RALYL: variants seen among roughly 807,000 people sequenced by gnomAD.
RALYL encodes RALY RNA binding protein like.
In RALYL, 29 loss-of-function variants were observed where a neutral mutation model predicts 35.1. That is an observed-to-expected ratio of 0.83 (90% confidence interval 0.61 to 1.13). The LOEUF (loss-of-function observed/expected upper bound fraction) is 1.13. Among genes scored for constraint, RALYL ranks in the 50% most tolerant of loss-of-function variants. The pLI, the probability that RALYL is intolerant of heterozygous loss-of-function variation, is 0.00. For synonymous variants in RALYL, 120 were observed against 127.6 expected, an observed-to-expected ratio of 0.94 and a Z score of 0.40; for missense variants, 359 against 360.4, an observed-to-expected ratio of 1.00 and a Z score of 0.03.
At chr8:84,571,004 G>T (rs189730773) in intron 2 of RALYL, among the ~76,000 whole-genome samples, 1 of 151,842 alleles carries the variant, frequency 6.6e-6, no homozygotes. Flanking sequence ...GAGGAGTTTT[G>T]CATCTAGGTT....
At position 84,466,680 on chromosome 8, in the gene RALYL, C is replaced by G. The variant is rs950776997; in HGVS notation, c.-23-62619C>G. Among the ~76,000 whole-genome samples the G allele has an allele frequency of 1.0e-3, 157 of 151,908 alleles. 1 individual carries two copies. The East Asian group carries it at 0.027, about 26-fold the overall frequency. On this transcript the variant is annotated intron_variant, in intron 1 of 8. Transcript: ENST00000521268. The stretch of plus-strand genomic sequence containing the variant: ...CATAAAATGAGTTAGGGAGGATTCC[C>G]TCTTTTTCTATTGATTAGAATAGTT...
At chr8:84,864,140 C>T (rs1343987778) in intron 6 of RALYL, among the ~76,000 whole-genome samples, 1 of 152,046 alleles carries the variant, frequency 6.6e-6, no homozygotes, top group Non-Finnish European at 1.5e-5. Context: ...AAGAATCTAT[C>T]CTTAAGTCCA....
intron 1 of RALYL, among the ~76,000 whole-genome samples, chr8:84,313,714 C>G (rs1843227941): frequency 6.6e-6 from 1 of 152,186 alleles, no homozygotes; most frequent in Non-Finnish European, 1.5e-5. Context: ...TCATCTCCAT[C>G]TGAGACCACC....
chr8:84,910,484 A>G (rs945463784), intron 8 of RALYL, among the ~76,000 whole-genome samples: 1 of 152,130 alleles, frequency 6.6e-6, no homozygotes. Flanking sequence ...ATATGTTATT[A>G]TGTCTAAATG....
chr8:84,694,848 G>T (rs1476029349), intron 2 of RALYL, among the ~76,000 whole-genome samples: 1 of 151,784 alleles, frequency 6.6e-6, no homozygotes, highest in Non-Finnish European at 1.5e-5. Context: ...TGTTGTATTT[G>T]ATATGTGTTT....
At chr8:84,649,132 G>A (rs1828135960) in intron 2 of RALYL, among the ~76,000 whole-genome samples, 1 of 152,042 alleles carries the variant, frequency 6.6e-6, no homozygotes, top group South Asian at 2.1e-4. Flanking sequence ...GATTGCATAT[G>A]TTGTCACCAA....
At chr8:84,754,621 C>T (rs1810938204) in intron 2 of RALYL, among the ~76,000 whole-genome samples, 1 of 152,080 alleles carries the variant, frequency 6.6e-6, no homozygotes, top group Admixed American at 6.5e-5. Context: ...GGATGTTCAC[C>T]AGTTGGGTAC....
At chr8:84,756,521 CTT>C (rs1811447479) in intron 2 of RALYL, among the ~76,000 whole-genome samples, 1 of 152,064 alleles carries the variant, frequency 6.6e-6, no homozygotes, top group African/African-American at 2.4e-5. Context: ...ATATTGATGA[CTT>C]AGTGCCATTT....
At chr8:84,503,715 G>A (rs1385474157) in intron 1 of RALYL, among the ~76,000 whole-genome samples, 1 of 151,892 alleles carries the variant, frequency 6.6e-6, no homozygotes, top group East Asian at 2.0e-4. Flanking sequence ...CAGGCGTGGT[G>A]GCAGGTGCCT....
chr8:84,732,214 G>A (rs181222556), intron 2 of RALYL, among the ~76,000 whole-genome samples: 189 of 152,134 alleles, frequency 1.2e-3, no homozygotes, highest in African/African-American at 3.9e-3. Flanking sequence ...AAGATATCAC[G>A]ATTTTTTTGC....
intron 3 of RALYL, among the ~76,000 whole-genome samples, chr8:84,800,720 A>T (rs956509724): frequency 2.0e-5 from 3 of 152,216 alleles, no homozygotes; most frequent in African/African-American, 7.2e-5. Context: ...GCATATCACA[A>T]TGTAATGATC....
chr8:84,391,914 C>A (rs1207634577), intron 1 of RALYL, among the ~76,000 whole-genome samples: 1 of 151,964 alleles, frequency 6.6e-6, no homozygotes, highest in Non-Finnish European at 1.5e-5. Flanking sequence ...TTTGTTCATG[C>A]ATCTGTCATC....
At chr8:84,740,373 A>C (rs1285466502) in intron 2 of RALYL, among the ~76,000 whole-genome samples, 3 of 152,016 alleles carry the variant, frequency 2.0e-5, no homozygotes, top group Non-Finnish European at 4.4e-5. Context: ...AAGAGAAACA[A>C]AGAGGGCGGA....
At chr8:84,388,300 C>T (rs1586780404) in intron 1 of RALYL, among the ~76,000 whole-genome samples, 1 of 152,092 alleles carries the variant, frequency 6.6e-6, no homozygotes, top group South Asian at 2.1e-4. Flanking sequence ...CCGCAATAAA[C>T]ATATGTGTGC....
chr8:84,860,702 G>T (rs1277222995), intron 5 of RALYL, among the ~76,000 whole-genome samples: 3 of 152,130 alleles, frequency 2.0e-5, no homozygotes, highest in Non-Finnish European at 4.4e-5. Context: ...AATGGACTTT[G>T]CTTAGTCACA....
chr8:84,383,758 G>T (rs1475656776), intron 1 of RALYL, among the ~76,000 whole-genome samples: 1 of 150,066 alleles, frequency 6.7e-6, no homozygotes, highest in Non-Finnish European at 1.5e-5. Context: ...AGAGGATGGG[G>T]TGATTGATTT....
intron 1 of RALYL, among the ~76,000 whole-genome samples, chr8:84,216,072 C>T (rs987352211): frequency 6.6e-6 from 1 of 152,098 alleles, no homozygotes; most frequent in Admixed American, 6.6e-5. Flanking sequence ...TATTAAGGCA[C>T]ATGACCTCTT....
chr8:84,323,284 T>C (rs1406294255), intron 1 of RALYL, among the ~76,000 whole-genome samples: 1 of 152,052 alleles, frequency 6.6e-6, no homozygotes, highest in African/African-American at 2.4e-5. Context: ...AAATTAAGTA[T>C]ATTTTATACA....
chr8:84,412,377 G>A (rs1325146450), intron 1 of RALYL, among the ~76,000 whole-genome samples: 2 of 151,804 alleles, frequency 1.3e-5, no homozygotes, highest in Admixed American at 1.3e-4. Context: ...TATGATAAAA[G>A]CCAAAGTGTT....
Sources: gnomAD v4.1 joint callset for allele counts (sites outside exome capture counted in the v4.1 genomes callset) on GRCh38, gnomAD v4.1.1 for gene constraint, MANE v1.5 for transcripts, NCBI Gene and HGNC (gene_info 2026-07-23, HGNC 2026-07-21) for gene names.